Variants in SURF4 observed in about 807,000 individuals in gnomAD.
SURF4 encodes surfeit 4.
Under a neutral mutation model 30.0 loss-of-function variants are expected in SURF4, and 3 were observed. The ratio of observed to expected loss-of-function variants is 0.10; its 90% CI spans 0.05 to 0.26. The LOEUF is 0.26. SURF4 is among the 10% of genes least tolerant of loss of function. The pLI is 1.00. For synonymous variants in SURF4, 143 were observed against 139.9 expected, an observed-to-expected ratio of 1.02 and a Z score of -0.16; for missense variants, 217 against 350.8, an observed-to-expected ratio of 0.62 and a Z score of 3.05.
In SURF4 at chr9:133,366,056, G is replaced by C. The variant is rs2130123275; in HGVS notation, c.313-28C>G. On this transcript the variant is annotated intron_variant, in intron 3 of 5. Coordinates refer to ENST00000371989, the MANE Select transcript of SURF4 (RefSeq NM_033161.4). The stretch of plus-strand genomic sequence containing the variant: ...GAGGGGAAAGAAGAGAGAGATACTT[G>C]AGTCTCAGCCTTTCCAAAGGCATTT... The C allele has an allele frequency of 2.5e-6, 4 of 1,611,994 alleles. No individual in the cohort carries two copies. The African/African-American group carries it at 4.0e-5, about 16-fold the overall frequency.
At position 133,370,295 on chromosome 9, in the gene SURF4, T is replaced by C. The variant is rs1837428698; in HGVS notation, c.49-2850A>G. ...TCACACCTCCTTCCCTGCGCAAACA[T>C]GGTGACGAAACAGACACAGCTCTTG... On this transcript the variant is annotated intron_variant, in intron 1 of 5. Transcript: ENST00000371989. Among the ~76,000 whole-genome samples, 3 of 152,138 alleles carry C rather than the reference T, an allele frequency of 2.0e-5. No homozygotes were observed. The South Asian group carries it at 6.2e-4, about 32-fold the overall frequency.
At chr9:133,365,654 G>A (rs1314662738) in intron 4 of SURF4, among the ~76,000 whole-genome samples, 2 of 152,208 alleles carry the variant, frequency 1.3e-5, no homozygotes, top group Non-Finnish European at 2.9e-5. Flanking sequence ...TGTTCACCCC[G>A]TGGACCACAG....
chr9:133,362,976 T>C lies in SURF4; in HGVS notation c.*517A>G. 1 of 228,542 alleles carries C rather than the reference T, an allele frequency of 4.4e-6. No homozygotes were observed. 14.2% of individuals were successfully genotyped at this position (228,542 alleles called of 1,614,324 possible). A position where few individuals can be genotyped will look rare whatever the true frequency, so the allele number is the denominator to read the frequency against. On this transcript the variant is annotated 3_prime_UTR_variant, in exon 6 of 6. Coordinates refer to ENST00000371989, the MANE Select transcript of SURF4 (RefSeq NM_033161.4). The stretch of plus-strand genomic sequence containing the variant: ...TTTTCACTATTCCTATAAAATACAA[T>C]GCGGGGCAGAAACAACATCAAAGCC...
chr9:133,369,164 A>C (rs782668471), intron 1 of SURF4, among the ~76,000 whole-genome samples: 1 of 152,144 alleles, frequency 6.6e-6, no homozygotes, highest in Non-Finnish European at 1.5e-5. Context: ...GGAGGCAGAG[A>C]TTACAAAGCC....
Position 133,363,493 on chromosome 9 carries a change from T to C in SURF4, c.810A>G (p.Ter270=). The C allele has an allele frequency of 6.2e-7, 1 of 1,614,230 alleles. No homozygotes were observed. The highest frequency in any genetic ancestry group is 8.5e-7 in the Non-Finnish European group (1 of 1,180,046). ...CCAGGCAGGTAGGGATCTGTGACTG[T>C]TACCACTCCTTCTTCTTCTCATCCA... is the stretch of plus-strand genomic sequence containing the variant. ...VSMDEKKKEW[*] is the part of the protein sequence containing the mutation. Residue 270 remains the stop codon, a stop_retained_variant, in exon 6 of 6, where the codon TAA becomes TAG. Coordinates refer to ENST00000371989, the MANE Select transcript of SURF4 (RefSeq NM_033161.4). The surrounding 1 kb of genome is among the most constrained non-coding windows in gnomAD (Gnocchi z 4.3).
intron 1 of SURF4, among the ~76,000 whole-genome samples, chr9:133,368,420 G>A (rs1380895620): frequency 6.6e-6 from 1 of 152,262 alleles, no homozygotes; most frequent in Admixed American, 6.5e-5. Flanking sequence ...GCCCGACGGA[G>A]CTCTCCCCTG....
intron 1 of SURF4, among the ~76,000 whole-genome samples, chr9:133,372,938 A>C (rs1837588653): frequency 6.6e-6 from 1 of 152,192 alleles, no homozygotes; most frequent in Admixed American, 6.5e-5. Flanking sequence ...AAGGGCATGG[A>C]AGCTCCCACA....
At chr9:133,364,639 C>T (rs2130105590) in intron 5 of SURF4, among the ~76,000 whole-genome samples, 12 of 151,514 alleles carry the variant, frequency 7.9e-5, no homozygotes, top group Non-Finnish European at 1.6e-4. Flanking sequence ...TTGCGGTGAG[C>T]CGAGATCACG....
At chr9:133,370,221 G>A (rs1482386056) in intron 1 of SURF4, among the ~76,000 whole-genome samples, 2 of 152,190 alleles carry the variant, frequency 1.3e-5, no homozygotes, top group Non-Finnish European at 2.9e-5. Context: ...GAGTGTCTGG[G>A]TCAAGAGGAT....
intron 3 of SURF4, 23 bp downstream of exon 3, chr9:133,366,576 C>A (rs1355994663): frequency 3.1e-6 from 5 of 1,612,678 alleles, no homozygotes; most frequent in Non-Finnish European, 3.4e-6. Context: ...GAGAAGGGAG[C>A]CCCGACCACG....
upstream of SURF4, chr9:133,376,523 GCCCAGGGTCC>G: frequency 6.2e-7 from 1 of 1,601,772 alleles, no homozygotes; most frequent in Non-Finnish European, 8.5e-7. Context: ...GGGGAGCGAG[GCCCAGGGTCC>G]CCCGGAGAGC....
Position 133,363,147 on chromosome 9 carries a change from A to G in SURF4, c.*346T>C, listed in dbSNP as rs1836927017. On this transcript the variant is annotated 3_prime_UTR_variant, in exon 6 of 6. Coordinates refer to ENST00000371989, the MANE Select transcript of SURF4 (RefSeq NM_033161.4). The surrounding 1 kb of genome is among the most constrained non-coding windows in gnomAD (Gnocchi z 4.3). ...TGATAATACCAATGCGTCTGCTCACAGTACAGCTTGAAGGCCCCCTCCTGT... is the reference window on the plus strand; with the variant it reads ...TGATAATACCAATGCGTCTGCTCACGGTACAGCTTGAAGGCCCCCTCCTGT... 1.8e-6 allele frequency: 1 copy of G among 549,634 alleles called. No homozygotes were observed. Among genetic ancestry groups the G allele is most frequent in the Non-Finnish European group, 3.3e-6 (1 of 306,154 alleles). The allele number at this position is 549,634 out of a possible 1,614,324, so 34.0% of individuals were successfully genotyped here.
intron 5 of SURF4, 114 bp downstream of exon 5, chr9:133,364,725 CA>C: frequency 1.0e-6 from 1 of 972,666 alleles, no homozygotes; most frequent in Non-Finnish European, 1.5e-6. Context: ...TCCATTTCAG[CA>C]GCTCCCCCAG....
chr9:133,371,710 C>A (rs1400670917), intron 1 of SURF4, among the ~76,000 whole-genome samples: 1 of 152,218 alleles, frequency 6.6e-6, no homozygotes, highest in Non-Finnish European at 1.5e-5. Flanking sequence ...TATGACAGAG[C>A]CTGCCACTGT....
chr9:133,376,467 A>G (rs1435057823), upstream of SURF4: 2 of 1,581,042 alleles, frequency 1.3e-6, no homozygotes, highest in African/African-American at 1.4e-5. Flanking sequence ...CGCGGTCGCT[A>G]CTGATCATGC....
chr9:133,376,280 G>A (rs1003053826), upstream of SURF4: 1 of 1,319,032 alleles, frequency 7.6e-7, no homozygotes, highest in Middle Eastern at 2.9e-4. Flanking sequence ...CGCAGGCCCT[G>A]CGGTCCCTCC....
intron 3 of SURF4, 52 bp downstream of exon 3, chr9:133,366,547 T>C: frequency 6.3e-7 from 1 of 1,593,472 alleles, no homozygotes; most frequent in Admixed American, 1.7e-5. Context: ...TTTCAGAAGC[T>C]CTGCTCCACC....
intron 1 of SURF4, chr9:133,370,852 GGAA>G (rs1347578073): frequency 6.2e-6 from 8 of 1,288,464 alleles, no homozygotes; most frequent in African/African-American, 6.1e-5. Context: ...GCAGGCTGCA[GGAA>G]GAAGATGACA....
Position 133,375,176 on chromosome 9 carries a change from G to A in SURF4, c.48+746C>T, listed in dbSNP as rs1307787820. ...ATCGGATCCTGTCCACCCAGTTCCC[G>A]AATGCTCTCAACAGTTACCCAACCG... On this transcript the variant is annotated intron_variant, in intron 1 of 5. Coordinates refer to ENST00000371989, the MANE Select transcript of SURF4 (RefSeq NM_033161.4). 5.1e-6 allele frequency: 5 copies of A among 979,068 alleles called. No individual in the cohort carries two copies. The South Asian group carries it at 1.9e-4, about 37-fold the overall frequency. The allele number at this position is 979,068 out of a possible 1,614,324, so 60.6% of individuals were successfully genotyped here. A position where few individuals can be genotyped will look rare whatever the true frequency, so the allele number is the denominator to read the frequency against.
Sources: gnomAD v4.1 joint callset for allele counts (sites outside exome capture counted in the v4.1 genomes callset) on GRCh38, gnomAD v4.1.1 for gene constraint, Gnocchi (gnomAD v3.1) non-coding constraint, MANE v1.5 for transcripts, NCBI Gene and HGNC (gene_info 2026-07-23, HGNC 2026-07-21) for gene names.